Variants in SPATA7 observed in about 807,000 individuals in gnomAD.
SPATA7 encodes the protein spermatogenesis-associated protein 7.
In SPATA7, 43 loss-of-function variants were observed where a neutral mutation model predicts 51.8. The observed-to-expected ratio is 0.83, with a 90% CI of 0.65 to 1.07. The LOEUF is 1.07. SPATA7 is among the 50% of genes least tolerant of loss of function. The pLI is 0.00. For synonymous variants in SPATA7, 230 were observed against 252.8 expected, an observed-to-expected ratio of 0.91 and a Z score of 0.86; for missense variants, 683 against 701.3, an observed-to-expected ratio of 0.97 and a Z score of 0.30.
At chr14:88,395,278 T>C (rs75170396) in intron 3 of SPATA7, among the ~76,000 whole-genome samples, 5,364 of 152,140 alleles carry the variant, frequency 0.035, 310 homozygotes, top group African/African-American at 0.12. Flanking sequence ...AATTTTTGAC[T>C]AATGTCTTTT....
intron 1 of SPATA7, among the ~76,000 whole-genome samples, chr14:88,389,271 C>T (rs1481517732): frequency 6.6e-6 from 1 of 151,574 alleles, no homozygotes; most frequent in Non-Finnish European, 1.5e-5. Context: ...ATTCTGTTAC[C>T]CAGACTGGAG....
chr14:88,470,111 C>T, exon 5 of SPATA7: 3 of 1,515,244 alleles, frequency 2.0e-6, no homozygotes, highest in South Asian at 1.2e-5. Context: ...GGTATGTATG[C>T]ATGCATTCAT....
chr14:88,433,360 T>C, intron 10 of SPATA7, 148 bp downstream of exon 10: 1 of 633,116 alleles, frequency 1.6e-6, no homozygotes, highest in Admixed American at 2.8e-5. Flanking sequence ...TTATTATAAT[T>C]GATAGCAAGT....
chr14:88,458,049 A>T (rs1449428242), downstream of SPATA7, among the ~76,000 whole-genome samples: 7 of 152,094 alleles, frequency 4.6e-5, no homozygotes, highest in Non-Finnish European at 1.0e-4. Flanking sequence ...GCATATGTTG[A>T]ACCAGCCTTG....
chr14:88,398,125 A>G (rs933033845), intron 4 of SPATA7, among the ~76,000 whole-genome samples: 3 of 152,106 alleles, frequency 2.0e-5, no homozygotes, highest in Non-Finnish European at 4.4e-5. Flanking sequence ...GGCAAAAAAC[A>G]TGGCTGTCAC....
At chr14:88,452,494 G>C (rs1223670322) in intron 3 of SPATA7, among the ~76,000 whole-genome samples, 2 of 151,432 alleles carry the variant, frequency 1.3e-5, no homozygotes, top group East Asian at 1.9e-4. Flanking sequence ...GCTCCCAAGA[G>C]ATTATGTCCT....
chr14:88,386,787 G>A (rs917961184), intron 1 of SPATA7, among the ~76,000 whole-genome samples: 2 of 151,902 alleles, frequency 1.3e-5, no homozygotes, highest in African/African-American at 4.8e-5. Context: ...AAACCAAGCT[G>A]CTAGATGATT....
chr14:88,393,771 A>G, intron 3 of SPATA7: 2 of 268,196 alleles, frequency 7.5e-6, no homozygotes. Context: ...AAAATATATA[A>G]TCTGCTTTTT....
chr14:88,439,629 G>A (rs2077163955), downstream of SPATA7, among the ~76,000 whole-genome samples: 1 of 152,048 alleles, frequency 6.6e-6, no homozygotes, highest in African/African-American at 2.4e-5. Context: ...TTTAACTCGG[G>A]TTTTTATCAT....
rs1595191685 is a variant in SPATA7, at chr14:88,398,989, T to G, written c.238+2786T>G. Among the ~76,000 whole-genome samples, 3 of 151,350 alleles carry G rather than the reference T, an allele frequency of 2.0e-5. No individual in the cohort carries two copies. In the East Asian group the frequency reaches 5.8e-4, roughly 30 times the overall value. On this transcript the variant is annotated intron_variant, in intron 4 of 11. Coordinates refer to ENST00000393545, the MANE Select transcript of SPATA7 (RefSeq NM_018418.5). ...ATGGCGTGAACCCAGGAGGCGGAGC[T>G]TGCAGTGAGCCGAGATGATGCCACT...
chr14:88,423,226 G>C (rs1276056234), intron 5 of SPATA7, among the ~76,000 whole-genome samples: 1 of 152,008 alleles, frequency 6.6e-6, no homozygotes, highest in African/African-American at 2.4e-5. Flanking sequence ...ATGTGGGTGT[G>C]AGCTTTATTT....
rs372922056 is a variant in SPATA7 at position 88,447,386 on chromosome 14, G to A, written c.178-7674G>A. On this transcript the variant is annotated intron_variant, in intron 3 of 3. Coordinates refer to the SPATA7 transcript ENST00000554802. ...TTTGAGCCTATGTGTGTCTCTGCAC[G>A]TGAGATGGGTTTCCTGAATACAGCA... Among the ~76,000 whole-genome samples, 174 of 150,836 alleles carry A rather than the reference G, an allele frequency of 1.2e-3. 3 individuals are homozygous for A. The East Asian group carries it at 0.023, about 20-fold the overall frequency.
At chr14:88,440,208 G>A (rs150425981), downstream of SPATA7, among the ~76,000 whole-genome samples, 821 of 152,084 alleles carry the variant, frequency 5.4e-3, 10 homozygotes, top group African/African-American at 0.019. Context: ...CTGTCTTTCC[G>A]GAGGCATTCT....
chr14:88,468,713 G>A lies in SPATA7; in HGVS notation c.255-1134G>A, dbSNP rs144554433. Among the ~76,000 whole-genome samples, 1,222 of 152,202 alleles carry A rather than the reference G, an allele frequency of 8.0e-3. 13 individuals carry two copies. Among genetic ancestry groups the A allele is most frequent in the Middle Eastern group, 0.024 (7 of 294 alleles). On this transcript the variant is annotated intron_variant, in intron 4 of 4. Transcript: ENST00000556406. ...ACAAAATTAAACAGCTTTATTTATC[G>A]TATGACTTCTTAGTCTTTAATATGC...
chr14:88,442,301 G>A (rs150525854), downstream of SPATA7, among the ~76,000 whole-genome samples: 3 of 151,756 alleles, frequency 2.0e-5, no homozygotes, highest in Non-Finnish European at 2.9e-5. Context: ...GCGATTCTCC[G>A]ACCTCAGCCT....
chr14:88,387,247 T>G (rs1336181090), intron 1 of SPATA7, among the ~76,000 whole-genome samples: 2 of 152,114 alleles, frequency 1.3e-5, no homozygotes, highest in Non-Finnish European at 2.9e-5. Flanking sequence ...TATGGTAGAT[T>G]TAGTAAGTTG....
At chr14:88,441,380 G>A (rs2077177870), downstream of SPATA7, among the ~76,000 whole-genome samples, 1 of 152,144 alleles carries the variant, frequency 6.6e-6, no homozygotes, top group African/African-American at 2.4e-5. Flanking sequence ...GGGATTGCTG[G>A]ATCAAATGGT....
At chr14:88,416,570 TTATA>T (rs1226287986) in intron 4 of SPATA7, 137 bp from the exon 5 acceptor site, 4 of 782,898 alleles carry the variant, frequency 5.1e-6, no homozygotes, top group African/African-American at 1.8e-5. Context: ...TAGTAACTCT[TTATA>T]TAGGAAAATA....
In SPATA7 at chr14:88,429,410, T is replaced by C. The variant is rs1405424619; in HGVS notation, c.975T>C (p.His325=). The C allele has an allele frequency of 3.1e-6, 5 of 1,612,980 alleles. No homozygotes were observed. The highest frequency in any genetic ancestry group is 4.2e-6 in the Non-Finnish European group (5 of 1,179,196). Residue 325 remains histidine, a synonymous_variant, in exon 8 of 12, where the codon CAT becomes CAC. Coordinates refer to ENST00000393545, the MANE Select transcript of SPATA7 (RefSeq NM_018418.5). ...EKIAPLPLEG[H]DSTWDEIKDD... is the part of the protein sequence containing the mutation. ...TAGCTCCTTTACCTTTAGAAGGGCA[T>C]GACTCAACATGGGATGAGATTAAGG...
Sources: gnomAD v4.1 joint callset for allele counts (sites outside exome capture counted in the v4.1 genomes callset) on GRCh38, gnomAD v4.1.1 for gene constraint, MANE v1.5 for transcripts, NCBI Gene and HGNC (gene_info 2026-07-23, HGNC 2026-07-21) for gene names.